SLC25A21: variants seen among roughly 807,000 people sequenced by gnomAD.
SLC25A21 encodes mitochondrial 2-oxodicarboxylate carrier.
SLC25A21 carries 47 observed loss-of-function variants against 43.8 expected under a neutral mutation model. That is an observed-to-expected ratio of 1.07 (90% CI 0.85 to 1.37). SLC25A21 has a LOEUF of 1.37. SLC25A21 is among the 40% of genes most tolerant of loss of function. The pLI is 0.00. For missense variants in SLC25A21, 352 were observed against 350.2 expected (o/e 1.00, Z -0.04); for synonymous variants, 131 against 121.3 (o/e 1.08, Z -0.52).
chr14:37,157,297 G>C (rs1402935228), intron 1 of SLC25A21, among the ~76,000 whole-genome samples: 1 of 152,078 alleles, frequency 6.6e-6, no homozygotes, highest in Non-Finnish European at 1.5e-5. Flanking sequence ...GGAAAACAAA[G>C]GTTGCAGTGA....
chr14:36,880,925 C>T (rs1179472471), intron 1 of SLC25A21, among the ~76,000 whole-genome samples: 1 of 152,146 alleles, frequency 6.6e-6, no homozygotes, highest in Non-Finnish European at 1.5e-5. Context: ...GAGAACACAG[C>T]CTGACGCTGC....
intron 1 of SLC25A21, among the ~76,000 whole-genome samples, chr14:37,028,469 T>C (rs182046499): frequency 2.6e-5 from 4 of 152,120 alleles, no homozygotes; most frequent in African/African-American, 4.8e-5. Context: ...AAATCAATGG[T>C]AGGTTGGTGA....
At chr14:37,093,678 T>C (rs1390185125) in intron 1 of SLC25A21, among the ~76,000 whole-genome samples, 1 of 151,872 alleles carries the variant, frequency 6.6e-6, no homozygotes, top group African/African-American at 2.4e-5. Flanking sequence ...TTTTGGGGGA[T>C]GAATGGAGGG....
At chr14:36,811,461 G>C (rs931261588) in intron 3 of SLC25A21, among the ~76,000 whole-genome samples, 1 of 152,088 alleles carries the variant, frequency 6.6e-6, no homozygotes, top group Non-Finnish European at 1.5e-5. Context: ...GACCAGCCTG[G>C]CCAACACGGT....
chr14:36,960,192 G>T (rs1314261030), intron 1 of SLC25A21, among the ~76,000 whole-genome samples: 1 of 152,042 alleles, frequency 6.6e-6, no homozygotes, highest in Non-Finnish European at 1.5e-5. Flanking sequence ...AATTTATGTT[G>T]TTCCTATTTT....
chr14:37,172,081 CT>C, intron 1 of SLC25A21, 199 bp downstream of exon 1: 1 of 568,428 alleles, frequency 1.8e-6, no homozygotes, highest in East Asian at 3.0e-5. Flanking sequence ...GGCAACTTTA[CT>C]TGGGGCACCC....
At chr14:36,997,571 G>T (rs1960398619) in intron 1 of SLC25A21, among the ~76,000 whole-genome samples, 1 of 152,210 alleles carries the variant, frequency 6.6e-6, no homozygotes, top group South Asian at 2.1e-4. Context: ...GCTCATGCCT[G>T]TAATCCCAGC....
chr14:37,091,029 T>C (rs1251170507), intron 1 of SLC25A21, among the ~76,000 whole-genome samples: 2 of 152,224 alleles, frequency 1.3e-5, no homozygotes, highest in African/African-American at 2.4e-5. Context: ...ACTTAATATA[T>C]ACTTTTGATT....
chr14:36,833,378 A>G (rs1889101190), intron 2 of SLC25A21, among the ~76,000 whole-genome samples: 1 of 152,202 alleles, frequency 6.6e-6, no homozygotes, highest in Non-Finnish European at 1.5e-5. Context: ...ACCAGCACAG[A>G]AAAGGGCCTT....
intron 1 of SLC25A21, among the ~76,000 whole-genome samples, chr14:37,155,142 C>T (rs1275941112): frequency 6.6e-6 from 1 of 151,806 alleles, no homozygotes; most frequent in African/African-American, 2.4e-5. Context: ...ACGATCTCAG[C>T]TCACTGCAAC....
At chr14:37,143,038 T>TC (rs1334188797) in intron 1 of SLC25A21, among the ~76,000 whole-genome samples, 10 of 152,166 alleles carry the variant, frequency 6.6e-5, no homozygotes, top group African/African-American at 2.4e-4. Context: ...AAAACAGTCC[T>TC]CCTCAGGGGA....
intron 1 of SLC25A21, among the ~76,000 whole-genome samples, chr14:36,915,337 A>T (rs1233186306): frequency 6.6e-6 from 1 of 152,006 alleles, no homozygotes; most frequent in African/African-American, 2.4e-5. Flanking sequence ...ACAAGGGCAA[A>T]CTCCCACACT....
intron 3 of SLC25A21, among the ~76,000 whole-genome samples, chr14:36,801,234 T>C (rs917920532): frequency 2.0e-5 from 3 of 152,116 alleles, no homozygotes; most frequent in Non-Finnish European, 2.9e-5. Flanking sequence ...CTGGAGTTTT[T>C]CCCCCTAGGT....
intron 1 of SLC25A21, among the ~76,000 whole-genome samples, chr14:37,042,070 C>A (rs942481506): frequency 6.6e-6 from 1 of 152,170 alleles, no homozygotes; most frequent in Admixed American, 6.5e-5. Context: ...CCTCAATGAT[C>A]TCTCTCCCAT....
At chr14:36,797,940 G>T (rs1463657943) in intron 3 of SLC25A21, among the ~76,000 whole-genome samples, 1 of 152,124 alleles carries the variant, frequency 6.6e-6, no homozygotes, top group African/African-American at 2.4e-5. Context: ...TTTTACCTTT[G>T]CTGTCAAAGA....
intron 3 of SLC25A21, among the ~76,000 whole-genome samples, chr14:36,801,065 C>A (rs974898230): frequency 6.6e-6 from 1 of 152,166 alleles, no homozygotes; most frequent in South Asian, 2.1e-4. Flanking sequence ...ATTCCTGAGG[C>A]AGAGCTCTCA....
chr14:36,989,792 C>T (rs766017273), intron 1 of SLC25A21, among the ~76,000 whole-genome samples: 1 of 151,964 alleles, frequency 6.6e-6, no homozygotes, highest in African/African-American at 2.4e-5. Flanking sequence ...AGTTCCTTCC[C>T]TCAGTATTTT....
chr14:36,787,116 C>T (rs1039741120), intron 3 of SLC25A21, among the ~76,000 whole-genome samples: 1 of 152,192 alleles, frequency 6.6e-6, no homozygotes, highest in East Asian at 1.9e-4. Context: ...GAGCTGGATT[C>T]ACACATAATG....
intron 1 of SLC25A21, among the ~76,000 whole-genome samples, chr14:37,088,079 T>A (rs375477877): frequency 1.9e-3 from 290 of 152,322 alleles, no homozygotes; most frequent in African/African-American, 6.4e-3. Context: ...GATTTTTATA[T>A]CATAAAATTA....
Sources: gnomAD v4.1 joint callset for allele counts (sites outside exome capture counted in the v4.1 genomes callset) on GRCh38, gnomAD v4.1.1 for gene constraint, MANE v1.5 for transcripts, NCBI Gene and HGNC (gene_info 2026-07-23, HGNC 2026-07-21) for gene names.